Variants in CADM2 observed in about 807,000 individuals in gnomAD.
CADM2 encodes immunoglobulin superfamily member 4D.
CADM2 carries 12 observed loss-of-function variants against 49.8 expected under a neutral mutation model. The ratio of observed to expected loss-of-function variants is 0.24; its 90% CI spans 0.15 to 0.39. The LOEUF is 0.39. CADM2 is among the 10% of genes least tolerant of loss of function. The probability of loss-of-function intolerance (pLI) is 1.00; values close to 1 mark genes in which losing one functional copy is unlikely to be tolerated. For missense variants in CADM2, 378 were observed against 492.3 expected (o/e 0.77, Z 2.20); for synonymous variants, 214 against 175.4 (o/e 1.22, Z -1.74).
intron 1 of CADM2, among the ~76,000 whole-genome samples, chr3:85,715,696 C>G (rs1021944452): frequency 8.5e-5 from 13 of 152,138 alleles, no homozygotes; most frequent in Non-Finnish European, 1.8e-4. Flanking sequence ...TGATGTTCGC[C>G]TCTCTGTGCC....
chr3:85,031,426 A>G (rs1435558072), intron 1 of CADM2, among the ~76,000 whole-genome samples: 1 of 152,114 alleles, frequency 6.6e-6, no homozygotes, highest in Admixed American at 6.5e-5. Flanking sequence ...CTGGAACTTA[A>G]TCTTTCAGGT....
At chr3:85,185,401 A>G (rs1337581413) in intron 1 of CADM2, among the ~76,000 whole-genome samples, 3 of 152,136 alleles carry the variant, frequency 2.0e-5, no homozygotes, top group Non-Finnish European at 1.5e-5. Context: ...AGCCTTTTGT[A>G]TTATCTAAAG....
intron 1 of CADM2, among the ~76,000 whole-genome samples, chr3:85,000,948 C>T (rs2033432924): frequency 6.6e-6 from 1 of 152,056 alleles, no homozygotes; most frequent in Non-Finnish European, 1.5e-5. Context: ...AAGGGATTAA[C>T]TCCATGATTT....
intron 6 of CADM2, among the ~76,000 whole-genome samples, chr3:85,919,560 T>C (rs1374531262): frequency 6.6e-6 from 1 of 151,884 alleles, no homozygotes; most frequent in Non-Finnish European, 1.5e-5. Flanking sequence ...TTTTAAGGGG[T>C]TAAATGGTCA....
At chr3:85,429,891 A>G (rs140241190) in intron 1 of CADM2, among the ~76,000 whole-genome samples, 1 of 152,290 alleles carries the variant, frequency 6.6e-6, no homozygotes, top group African/African-American at 2.4e-5. Flanking sequence ...ATAGTTGCTC[A>G]TTTTGTTTCA....
At chr3:85,516,211 T>G (rs2060899172) in intron 1 of CADM2, among the ~76,000 whole-genome samples, 1 of 152,196 alleles carries the variant, frequency 6.6e-6, no homozygotes, top group South Asian at 2.1e-4. Flanking sequence ...GATCCTGTGT[T>G]CCATTGTCTT....
chr3:85,216,921 A>C (rs1408143510), intron 1 of CADM2, among the ~76,000 whole-genome samples: 2 of 152,100 alleles, frequency 1.3e-5, no homozygotes, highest in African/African-American at 4.8e-5. Context: ...CTCAAAATTT[A>C]CATTGCTATA....
In CADM2 at chr3:85,298,347, G is replaced by A. The variant is rs571437534; in HGVS notation, c.61+338679G>A. ...GGTGAGACTTCAATTGGCCATCCCA[G>A]CCCACAGAGAACCCTTCTTCCTCTG... On this transcript the variant is annotated intron_variant, in intron 1 of 9. Coordinates refer to ENST00000383699, the MANE Select transcript of CADM2 (RefSeq NM_001167675.2). 3.3e-5 allele frequency among the ~76,000 whole-genome samples: 5 copies of A among 152,200 alleles called. No individual in the cohort carries two copies. In the East Asian group the frequency reaches 7.7e-4, roughly 24 times the overall value.
intron 1 of CADM2, among the ~76,000 whole-genome samples, chr3:85,281,707 A>G (rs1372172734): frequency 6.6e-6 from 1 of 152,144 alleles, no homozygotes; most frequent in Non-Finnish European, 1.5e-5. Flanking sequence ...TGACTGCTAA[A>G]TCTATCTTAG....
chr3:85,071,990 A>C (rs1394148670), intron 1 of CADM2, among the ~76,000 whole-genome samples: 1 of 150,750 alleles, frequency 6.6e-6, no homozygotes, highest in Non-Finnish European at 1.5e-5. Context: ...ATATATATGA[A>C]ATGGTAAACT....
chr3:85,062,927 A>T (rs984969185), intron 1 of CADM2, among the ~76,000 whole-genome samples: 10 of 150,208 alleles, frequency 6.7e-5, no homozygotes, highest in African/African-American at 2.3e-4. Context: ...TATGAATTTT[A>T]GACTATTTGA....
chr3:85,977,154 AAAAACAAAAC>A (rs954258575), intron 8 of CADM2, among the ~76,000 whole-genome samples: 6 of 151,106 alleles, frequency 4.0e-5, no homozygotes, highest in Non-Finnish European at 7.4e-5. Flanking sequence ...TATTGTAAAT[AAAAACAAAAC>A]AAAACAAAAC....
At chr3:85,965,971 G>A (rs564017611) in intron 8 of CADM2, among the ~76,000 whole-genome samples, 2 of 151,696 alleles carry the variant, frequency 1.3e-5, no homozygotes, top group Non-Finnish European at 3.0e-5. Flanking sequence ...CGGAAAGTGA[G>A]AAACGCAAAT....
In CADM2 at chr3:85,550,807, T is replaced by G. The variant is rs192619841; in HGVS notation, c.62-175715T>G. On this transcript the variant is annotated intron_variant, in intron 1 of 9. Transcript: ENST00000383699. ...TCTCCCGTCTCACCTTGAACTAGGC[T>G]CTCCTTTGCACTCTGATTTCCAGCC... Among the ~76,000 whole-genome samples the G allele has an allele frequency of 5.2e-3, 793 of 152,160 alleles. 8 individuals carry two copies. The highest frequency in any genetic ancestry group is 0.018 in the African/African-American group (767 of 41,530).
At chr3:85,890,445 T>C (rs1714271229) in intron 5 of CADM2, among the ~76,000 whole-genome samples, 1 of 152,208 alleles carries the variant, frequency 6.6e-6, no homozygotes. Flanking sequence ...CTAGTCTTTC[T>C]TTGTCTCATA....
chr3:85,447,687 C>T (rs2037533702), intron 1 of CADM2, among the ~76,000 whole-genome samples: 1 of 152,172 alleles, frequency 6.6e-6, no homozygotes, highest in African/African-American at 2.4e-5. Flanking sequence ...TGTGACTAGG[C>T]AAATGACATT....
At chr3:85,990,343 GA>G (rs1487422210) in intron 8 of CADM2, among the ~76,000 whole-genome samples, 3 of 152,120 alleles carry the variant, frequency 2.0e-5, no homozygotes, top group East Asian at 1.9e-4. Flanking sequence ...TAAGTGTTCT[GA>G]AAATGTTTCA....
At chr3:85,923,952 C>T (rs911905710) in intron 6 of CADM2, among the ~76,000 whole-genome samples, 3 of 152,030 alleles carry the variant, frequency 2.0e-5, no homozygotes, top group Non-Finnish European at 4.4e-5. Context: ...TATATATATC[C>T]ATTTTATTCT....
intron 1 of CADM2, among the ~76,000 whole-genome samples, chr3:85,717,426 ATGT>A (rs2067334649): frequency 6.6e-6 from 1 of 152,192 alleles, no homozygotes; most frequent in Admixed American, 6.5e-5. Flanking sequence ...ATATACAATA[ATGT>A]TATCTGCAAA....
Sources: allele counts gnomAD v4.1 joint callset (sites outside exome capture counted in the v4.1 genomes callset), GRCh38; gene constraint gnomAD v4.1.1; transcripts MANE v1.5; gene names NCBI Gene and HGNC (gene_info 2026-07-23, HGNC 2026-07-21).